GRM7: variants seen among roughly 807,000 people sequenced by gnomAD.
GRM7 encodes the protein glutamate metabotropic receptor 7.
Under a neutral mutation model 84.5 loss-of-function variants are expected in GRM7, and 35 were observed. The ratio of observed to expected loss-of-function variants is 0.41; its 90% CI spans 0.32 to 0.55. GRM7 has a LOEUF of 0.55. GRM7 is among the 20% of genes least tolerant of loss of function. The probability of loss-of-function intolerance (pLI) is 0.19; values close to 1 mark genes in which losing one functional copy is unlikely to be tolerated. For synonymous variants in GRM7, 487 were observed against 455.1 expected, an observed-to-expected ratio of 1.07 and a Z score of -0.89; for missense variants, 1,003 against 1,194.6, an observed-to-expected ratio of 0.84 and a Z score of 2.36.
intron 8 of GRM7, among the ~76,000 whole-genome samples, chr3:7,644,267 T>A (rs1698521929): frequency 6.7e-6 from 1 of 150,186 alleles, no homozygotes; most frequent in African/African-American, 2.5e-5. Context: ...CATATATATA[T>A]GGCATGATTT....
At chr3:7,726,240 G>A (rs538018603) in intron 9 of GRM7, among the ~76,000 whole-genome samples, 1 of 151,982 alleles carries the variant, frequency 6.6e-6, no homozygotes, top group South Asian at 2.1e-4. Context: ...GAGCTCACAG[G>A]ACAAAACTGG....
chr3:7,375,871 G>T (rs1694329664), intron 4 of GRM7, among the ~76,000 whole-genome samples: 1 of 152,098 alleles, frequency 6.6e-6, no homozygotes, highest in Non-Finnish European at 1.5e-5. Flanking sequence ...CCCAGGTGCA[G>T]CTCTTTTACT....
intron 1 of GRM7, among the ~76,000 whole-genome samples, chr3:7,074,983 TTAGTCTGAGG>T (rs1698012554): frequency 6.6e-6 from 1 of 152,216 alleles, no homozygotes; most frequent in African/African-American, 2.4e-5. Flanking sequence ...AGTGATCATT[TTAGTCTGAGG>T]AACAGTACTG....
At chr3:7,196,560 ATGT>A (rs1695885707) in intron 2 of GRM7, among the ~76,000 whole-genome samples, 1 of 152,008 alleles carries the variant, frequency 6.6e-6, no homozygotes, top group Admixed American at 6.6e-5. Context: ...ACCTTTAAAG[ATGT>A]TGTTCCCTCT....
chr3:7,335,548 A>T (rs13083405), intron 4 of GRM7, among the ~76,000 whole-genome samples: 1 of 152,066 alleles, frequency 6.6e-6, no homozygotes, highest in South Asian at 2.1e-4. Context: ...AAGTAAAGAA[A>T]CAACAAAGAT....
chr3:7,314,354 A>C (rs1454679457), intron 4 of GRM7, among the ~76,000 whole-genome samples: 1 of 150,768 alleles, frequency 6.6e-6, no homozygotes, highest in Admixed American at 6.6e-5. Context: ...CACTGTCATC[A>C]CATCATCATT....
chr3:7,693,775 T>G, intron 9 of GRM7: 1 of 773,386 alleles, frequency 1.3e-6, no homozygotes, highest in South Asian at 1.6e-5. Context: ...GAAAGAGACC[T>G]TATCCTGTTT....
chr3:6,939,314 A>G (rs995765501), intron 1 of GRM7, among the ~76,000 whole-genome samples: 3 of 152,172 alleles, frequency 2.0e-5, no homozygotes, highest in African/African-American at 7.2e-5. Flanking sequence ...ATTATCAATC[A>G]ATAAATCTGA....
Position 6,928,815 on chromosome 3 carries a change from G to C in GRM7, c.519+66908G>C, listed in dbSNP as rs968326984. On this transcript the variant is annotated intron_variant, in intron 1 of 9. Transcript: ENST00000357716. The surrounding 1 kb of genome is among the most constrained non-coding windows in gnomAD (Gnocchi z 4.5). The stretch of plus-strand genomic sequence containing the variant: ...TGTTCTTTTAAATTGAGCACGCTGT[G>C]GGTTTGTGAACACTTGTTTGTCATT... 2.8e-4 allele frequency among the ~76,000 whole-genome samples: 43 copies of C among 152,146 alleles called. No individual in the cohort carries two copies. Among genetic ancestry groups the C allele is most frequent in the African/African-American group, 1.0e-3 (42 of 41,430 alleles).
intron 7 of GRM7, among the ~76,000 whole-genome samples, chr3:7,488,289 G>T (rs1243649312): frequency 1.3e-5 from 2 of 152,232 alleles, no homozygotes; most frequent in East Asian, 3.9e-4. Flanking sequence ...ACTGTATTTT[G>T]CACTATGAGG....
chr3:6,988,539 T>G (rs538254872), intron 1 of GRM7, among the ~76,000 whole-genome samples: 1 of 152,278 alleles, frequency 6.6e-6, no homozygotes, highest in South Asian at 2.1e-4. Context: ...ACACTGCAAG[T>G]TGTGAGTATC....
chr3:7,029,139 A>G (rs1234833057), intron 1 of GRM7, among the ~76,000 whole-genome samples: 1 of 152,124 alleles, frequency 6.6e-6, no homozygotes, highest in Non-Finnish European at 1.5e-5. Context: ...CCCTGTCTCA[A>G]CTAAAAATAC....
chr3:7,395,548 A>T (rs987536538), intron 4 of GRM7, among the ~76,000 whole-genome samples: 1 of 152,102 alleles, frequency 6.6e-6, no homozygotes, highest in African/African-American at 2.4e-5. Context: ...CCACATGTCA[A>T]GGGTGGGGCC....
At chr3:7,356,399 T>C (rs1693404750) in intron 4 of GRM7, among the ~76,000 whole-genome samples, 1 of 151,700 alleles carries the variant, frequency 6.6e-6, no homozygotes, top group African/African-American at 2.4e-5. Flanking sequence ...CCTCCCAAAT[T>C]CAAGCGATTC....
rs1553617474 is a variant in GRM7, at chr3:7,103,854, C to CTT, written c.520-42597_520-42596insTT. 1.3e-3 allele frequency among the ~76,000 whole-genome samples: 156 copies of CTT among 123,672 alleles called. 19 individuals are homozygous for CTT. Among genetic ancestry groups the CTT allele is most frequent in the African/African-American group, 4.2e-3 (116 of 27,500 alleles). The allele number at this position is 123,672 out of a possible 152,430, so 81.1% of individuals were successfully genotyped here. A position where few individuals can be genotyped will look rare whatever the true frequency, so the allele number is the denominator to read the frequency against. On this transcript the variant is annotated intron_variant, in intron 1 of 9. Transcript: ENST00000357716. ...TGTCTCTCTCTCCCTCTCTCTCTCT[C>CTT]TCTTTCTTTCTTTCTTTCCCATTTC...
At chr3:7,191,135 A>C (rs916860577) in intron 2 of GRM7, among the ~76,000 whole-genome samples, 1 of 152,132 alleles carries the variant, frequency 6.6e-6, no homozygotes, top group African/African-American at 2.4e-5. Flanking sequence ...AGCCATGGCA[A>C]TGAGAGGATA....
intron 1 of GRM7, among the ~76,000 whole-genome samples, chr3:6,913,320 G>A (rs939724462): frequency 6.6e-6 from 1 of 152,068 alleles, no homozygotes; most frequent in African/African-American, 2.4e-5. Context: ...GCACTTATTT[G>A]CATTTTATTT....
intron 1 of GRM7, among the ~76,000 whole-genome samples, chr3:6,976,274 C>T (rs1486982493): frequency 6.6e-6 from 1 of 152,150 alleles, no homozygotes; most frequent in Non-Finnish European, 1.5e-5. Context: ...CAACATTTTA[C>T]TAGATGTTGT....
At chr3:7,113,727 A>C (rs1402614394) in intron 1 of GRM7, among the ~76,000 whole-genome samples, 1 of 152,164 alleles carries the variant, frequency 6.6e-6, no homozygotes, top group Non-Finnish European at 1.5e-5. Context: ...AGATGGTATA[A>C]GATGTGATGA....
Sources: allele counts gnomAD v4.1 joint callset (sites outside exome capture counted in the v4.1 genomes callset), GRCh38; gene constraint gnomAD v4.1.1; non-coding constraint Gnocchi (gnomAD v3.1); transcripts MANE v1.5; gene names NCBI Gene and HGNC (gene_info 2026-07-23, HGNC 2026-07-21).